The following MCTP1 variants were observed in gnomAD, a reference collection of about 807,000 sequenced individuals.
MCTP1 encodes multiple C2 and transmembrane domain containing 1.
MCTP1 carries 69 observed loss-of-function variants against 120.6 expected under a neutral mutation model. That is an observed-to-expected ratio of 0.57 (90% CI 0.47 to 0.70). The LOEUF (loss-of-function observed/expected upper bound fraction) is 0.70. Ranked by LOEUF, MCTP1 falls within the 30% of genes least tolerant of loss-of-function variation. The pLI is 0.00. For missense variants in MCTP1, 1,203 were observed against 1,248.8 expected, an observed-to-expected ratio of 0.96 and a Z score of 0.55; for synonymous variants, 529 against 493.1, an observed-to-expected ratio of 1.07 and a Z score of -0.96.
chr5:94,994,031 A>C (rs1464321856), intron 2 of MCTP1, among the ~76,000 whole-genome samples: 1 of 152,192 alleles, frequency 6.6e-6, no homozygotes, highest in Non-Finnish European at 1.5e-5. Context: ...CAACACAAGA[A>C]CACGCAAGAT....
At chr5:95,228,452 A>G (rs1754535099) in intron 1 of MCTP1, among the ~76,000 whole-genome samples, 1 of 135,650 alleles carries the variant, frequency 7.4e-6, no homozygotes. Context: ...AAACTTAGAA[A>G]AACTTCCATG....
intron 1 of MCTP1, among the ~76,000 whole-genome samples, chr5:95,220,982 G>A (rs1050299817): frequency 6.6e-5 from 10 of 152,112 alleles, no homozygotes; most frequent in African/African-American, 2.2e-4. Context: ...AAAAAATTAC[G>A]CAAAAAGGAC....
chr5:94,766,781 A>G (rs897573056), intron 19 of MCTP1, among the ~76,000 whole-genome samples: 4 of 152,192 alleles, frequency 2.6e-5, no homozygotes, highest in Non-Finnish European at 5.9e-5. Flanking sequence ...AAATAGTGAG[A>G]TTGAGTCAGT....
chr5:95,050,988 A>G (rs1745761864), intron 1 of MCTP1, among the ~76,000 whole-genome samples: 1 of 152,132 alleles, frequency 6.6e-6, no homozygotes, highest in South Asian at 2.1e-4. Context: ...ACCAGAAGCT[A>G]GGACAGAAGC....
chr5:95,259,294 A>C (rs779900296), intron 1 of MCTP1, among the ~76,000 whole-genome samples: 6 of 152,196 alleles, frequency 3.9e-5, no homozygotes, highest in Admixed American at 6.5e-5. Flanking sequence ...GACCAAAGGA[A>C]GAAATCTATC....
intron 1 of MCTP1, among the ~76,000 whole-genome samples, chr5:95,104,892 G>C (rs1756982633): frequency 6.6e-6 from 1 of 152,106 alleles, no homozygotes; most frequent in African/African-American, 2.4e-5. Flanking sequence ...AAATGGCTGG[G>C]ACTATAGGTG....
At chr5:95,061,708 T>G (rs1025014179) in intron 1 of MCTP1, among the ~76,000 whole-genome samples, 1 of 152,080 alleles carries the variant, frequency 6.6e-6, no homozygotes, top group Non-Finnish European at 1.5e-5. Context: ...GTGCTGGGAT[T>G]ACAGGCGTGA....
At chr5:94,933,401 C>T (rs1478458063) in intron 5 of MCTP1, among the ~76,000 whole-genome samples, 3 of 151,644 alleles carry the variant, frequency 2.0e-5, no homozygotes, top group Admixed American at 6.6e-5. Context: ...ATCATCATCA[C>T]CACCACCATC....
Position 94,947,577 on chromosome 5 carries a change from TAGAGAGAGAG to T in MCTP1, c.982-5160_982-5151del, listed in dbSNP as rs3030518. Among the ~76,000 whole-genome samples, 311 of 47,378 alleles carry T rather than the reference TAGAGAGAGAG, an allele frequency of 6.6e-3. 11 individuals carry two copies. The highest frequency in any genetic ancestry group is 9.7e-3 in the South Asian group (14 of 1,436). The allele number at this position is 47,378 out of a possible 152,430, so 31.1% of individuals were successfully genotyped here. A position where few individuals can be genotyped will look rare whatever the true frequency, so the allele number is the denominator to read the frequency against. On this transcript the variant is annotated intron_variant, in intron 3 of 22. Coordinates refer to ENST00000515393, the MANE Select transcript of MCTP1 (RefSeq NM_024717.7). ...CTAAATATATATATATATATATATA[TAGAGAGAGAG>T]AGAGAGAGAGAGAGAGAGAGAGAGA...
In MCTP1 at chr5:94,773,159, G is replaced by A. The variant is rs1208330485; in HGVS notation, c.2610+5951C>T. Among the ~76,000 whole-genome samples, 3 of 152,230 alleles carry A rather than the reference G, an allele frequency of 2.0e-5. No homozygotes were observed. The East Asian group carries it at 5.8e-4, about 29-fold the overall frequency. On this transcript the variant is annotated intron_variant, in intron 19 of 22. Transcript: ENST00000515393. Reference sequence around the variant, plus strand: ...TTATTATTTGCTCTTCTCCCAAGTAGGAGAAAACAAGAAGAAATAGCCCTT... The same window carrying A: ...TTATTATTTGCTCTTCTCCCAAGTAAGAGAAAACAAGAAGAAATAGCCCTT...
At chr5:94,753,201 T>C (rs973250289) in intron 19 of MCTP1, among the ~76,000 whole-genome samples, 1 of 152,178 alleles carries the variant, frequency 6.6e-6, no homozygotes, top group African/African-American at 2.4e-5. Context: ...TCTTATGAAA[T>C]GTAAAGGATT....
intron 1 of MCTP1, among the ~76,000 whole-genome samples, chr5:95,278,620 G>A (rs1168523171): frequency 6.6e-6 from 1 of 152,136 alleles, no homozygotes; most frequent in African/African-American, 2.4e-5. Flanking sequence ...TTTTTAGTAA[G>A]TTTTCCGGTA....
chr5:94,968,236 T>C (rs1220736161), intron 2 of MCTP1, among the ~76,000 whole-genome samples: 1 of 152,234 alleles, frequency 6.6e-6, no homozygotes, highest in African/African-American at 2.4e-5. Context: ...TATGGTCAAG[T>C]ATATTTGGAA....
Position 94,898,930 on chromosome 5 carries a change from T to G in MCTP1, c.1653-4095A>C, listed in dbSNP as rs1804780197. On this transcript the variant is annotated intron_variant, in intron 10 of 22. Transcript: ENST00000515393. Reference sequence around the variant, plus strand: ...CTCAAATTCCACAATTTGTTGTAACTGTATGTTTACATTTGCTGCATCTTC... The same window carrying G: ...CTCAAATTCCACAATTTGTTGTAACGGTATGTTTACATTTGCTGCATCTTC... Among the ~76,000 whole-genome samples the G allele has an allele frequency of 2.0e-5, 3 of 152,242 alleles. No homozygotes were observed. In the South Asian group the frequency reaches 6.2e-4, roughly 31 times the overall value.
At chr5:95,115,642 T>C (rs1270335326) in intron 1 of MCTP1, among the ~76,000 whole-genome samples, 1 of 151,598 alleles carries the variant, frequency 6.6e-6, no homozygotes, top group Non-Finnish European at 1.5e-5. Flanking sequence ...TTCTAGAAAA[T>C]AGCATCAAAA....
At position 95,065,175 on chromosome 5, in the gene MCTP1, A is replaced by G. The variant is rs142608390; in HGVS notation, c.721-47691T>C. 9.2e-5 allele frequency among the ~76,000 whole-genome samples: 14 copies of G among 152,186 alleles called. No homozygotes were observed. In the East Asian group the frequency reaches 2.7e-3, roughly 29 times the overall value. ...AATTAATTAATTATTAAGAACTGTT[A>G]TCAGTAGTTAAAATCTTCCTACACC... On this transcript the variant is annotated intron_variant, in intron 1 of 22. Coordinates refer to ENST00000515393, the MANE Select transcript of MCTP1 (RefSeq NM_024717.7).
chr5:94,718,297 T>G (rs909440458), intron 19 of MCTP1, among the ~76,000 whole-genome samples: 1 of 152,132 alleles, frequency 6.6e-6, no homozygotes, highest in African/African-American at 2.4e-5. Flanking sequence ...CTGGGAAAAC[T>G]GGCTAGCCAT....
intron 17 of MCTP1, among the ~76,000 whole-genome samples, chr5:94,845,788 G>T (rs1792193917): frequency 1.3e-5 from 2 of 152,172 alleles, no homozygotes; most frequent in African/African-American, 4.8e-5. Flanking sequence ...CTGGGGCCAG[G>T]TGACCAACCC....
At chr5:94,826,394 T>C in intron 17 of MCTP1, 1 of 621,824 alleles carries the variant, frequency 1.6e-6, no homozygotes, top group South Asian at 1.5e-5. Flanking sequence ...ACCTTTTGGC[T>C]CACACCATTG....
Sources: gnomAD v4.1 joint callset for allele counts (sites outside exome capture counted in the v4.1 genomes callset) on GRCh38, gnomAD v4.1.1 for gene constraint, MANE v1.5 for transcripts, NCBI Gene and HGNC (gene_info 2026-07-23, HGNC 2026-07-21) for gene names.